DOCK11: variants seen among roughly 807,000 people sequenced by gnomAD.
The protein encoded by DOCK11 is dedicator of cytokinesis protein 11.
DOCK11 carries 70 observed loss-of-function variants against 169.1 expected under a neutral mutation model. The ratio of observed to expected loss-of-function variants is 0.41; its 90% confidence interval spans 0.34 to 0.51. DOCK11 has a LOEUF of 0.51. Ranked by LOEUF, DOCK11 falls within the 20% of genes least tolerant of loss-of-function variation. The probability of loss-of-function intolerance (pLI) is 0.10; values close to 1 mark genes in which losing one functional copy is unlikely to be tolerated. For missense variants in DOCK11, 1,166 were observed against 1,538.8 expected, an observed-to-expected ratio of 0.76 and a Z score of 4.05; for synonymous variants, 529 against 541.3, an observed-to-expected ratio of 0.98 and a Z score of 0.32.
intron 14 of DOCK11, among the ~76,000 whole-genome samples, chrX:118,580,606 T>C (rs941316666): frequency 9.8e-5 from 11 of 112,143 alleles, no homozygotes; most frequent in Non-Finnish European, 1.9e-4. Context: ...CGTGAGCTAC[T>C]GTGCCCGGCC....
At chrX:118,669,643 A>G (rs1330431229) in intron 45 of DOCK11, among the ~76,000 whole-genome samples, 3 of 112,359 alleles carry the variant, frequency 2.7e-5, no homozygotes, top group African/African-American at 9.7e-5. Context: ...CTTGGGGGTT[A>G]GGATTTTAAC....
At chrX:118,648,158 A>G (rs1203837657) in intron 40 of DOCK11, among the ~76,000 whole-genome samples, 1 of 79,760 alleles carries the variant, frequency 1.3e-5, no homozygotes, top group Non-Finnish European at 2.2e-5. Flanking sequence ...AATATATAAT[A>G]ATATAATATA....
At chrX:118,506,123 G>A (rs1373804571) in intron 1 of DOCK11, among the ~76,000 whole-genome samples, 1 of 110,759 alleles carries the variant, frequency 9.0e-6, no homozygotes, top group Non-Finnish European at 1.9e-5. Context: ...AGGCGTGGTG[G>A]CACATGCGTG....
rs569146162 is a variant in DOCK11, at chrX:118,680,709, A to T, written c.5671+17A>T. 4.5e-6 allele frequency: 5 copies of T among 1,122,996 alleles called. No homozygotes were observed. The highest frequency in any genetic ancestry group is 2.4e-5 in the Admixed American group (1 of 41,313). The allele number at this position is 1,122,996 out of a possible 1,213,427, so 92.5% of individuals were successfully genotyped here. ...TCTTGACAAGTAAGTACAATTTTAC[A>T]TATTAACTTCTTATTTGTCTTGGTC... On this transcript the variant is annotated intron_variant, in intron 49 of 52. Transcript: ENST00000276202.
chrX:118,643,209 A>G (rs1049937635), intron 39 of DOCK11, among the ~76,000 whole-genome samples: 2 of 111,729 alleles, frequency 1.8e-5, no homozygotes, highest in Non-Finnish European at 3.8e-5. Flanking sequence ...CTAGTCCTGT[A>G]TATTGCTGTG....
At chrX:118,552,468 T>C (rs1356686828) in intron 6 of DOCK11, among the ~76,000 whole-genome samples, 4 of 112,127 alleles carry the variant, frequency 3.6e-5, no homozygotes, top group African/African-American at 9.7e-5. Context: ...TAAAAATTTA[T>C]ATTTTCCCCA....
chrX:118,585,726 T>C (rs1407133216), intron 16 of DOCK11, among the ~76,000 whole-genome samples: 1 of 109,656 alleles, frequency 9.1e-6, no homozygotes, highest in African/African-American at 3.3e-5. Flanking sequence ...CCAGTCAGGT[T>C]CTATTGCCTT....
intron 32 of DOCK11, among the ~76,000 whole-genome samples, chrX:118,625,588 G>A (rs910826648): frequency 6.2e-5 from 7 of 112,015 alleles, no homozygotes; most frequent in Non-Finnish European, 1.1e-4. Flanking sequence ...TCCTTTGAAC[G>A]CTGTGTTTTC....
chrX:118,569,091 CTTTTTTT>C (rs1186200391), intron 10 of DOCK11, among the ~76,000 whole-genome samples: 1 of 44,993 alleles, frequency 2.2e-5, no homozygotes, highest in Non-Finnish European at 4.1e-5. Flanking sequence ...TCTTTCTTTC[CTTTTTTT>C]TTTTTTTTTT....
chrX:118,668,859 G>C, intron 45 of DOCK11, among the ~76,000 whole-genome samples: 1 of 111,568 alleles, frequency 9.0e-6, no homozygotes, highest in Non-Finnish European at 1.9e-5. Flanking sequence ...GGGAGGAGGG[G>C]CACAGCCTGA....
intron 23 of DOCK11, among the ~76,000 whole-genome samples, chrX:118,603,304 G>T (rs753596919): frequency 8.9e-6 from 1 of 112,749 alleles, no homozygotes; most frequent in African/African-American, 3.2e-5. Flanking sequence ...AGGCATGGAA[G>T]CTTATGATAG....
At chrX:118,591,464 A>T (rs1430501871) in intron 19 of DOCK11, among the ~76,000 whole-genome samples, 1 of 110,644 alleles carries the variant, frequency 9.0e-6, no homozygotes, top group African/African-American at 3.3e-5. Context: ...CAAGTTGTTT[A>T]ATATGTGTAT....
intron 6 of DOCK11, among the ~76,000 whole-genome samples, chrX:118,551,087 C>T (rs1291300855): frequency 8.9e-6 from 1 of 111,835 alleles, no homozygotes; most frequent in Non-Finnish European, 1.9e-5. Context: ...CACCTCAGGG[C>T]CAGAGCTTGC....
In DOCK11 at chrX:118,593,249, A is replaced by G. The variant is rs1603098345; in HGVS notation, c.2175A>G (p.Lys725=). Residue 725 remains lysine (K), a synonymous_variant, in exon 20 of 53, where the codon AAA becomes AAG. Coordinates refer to ENST00000276202, the MANE Select transcript of DOCK11 (RefSeq NM_144658.4). ...KIELPIHLHQ[K]HHLLFTFYHV... The stretch of plus-strand genomic sequence containing the variant: ...AGCTTCCCATTCACCTACATCAAAA[A>G]CATCATTTGCTTTTCACTTTTTATC... The G allele has an allele frequency of 7.5e-6, 9 of 1,204,586 alleles. No homozygotes were observed. In the East Asian group the frequency reaches 2.7e-4, roughly 36 times the overall value.
At chrX:118,543,079 A>G in intron 3 of DOCK11, 64 bp downstream of exon 3, 1 of 832,197 alleles carries the variant, frequency 1.2e-6, no homozygotes, top group South Asian at 2.5e-5. Flanking sequence ...CAGTATTTAT[A>G]TGTCTTTATG....
chrX:118,632,976 G>A (rs1292950015), intron 35 of DOCK11: 1 of 82,135 alleles, frequency 1.2e-5, no homozygotes, highest in Non-Finnish European at 2.4e-5. Flanking sequence ...CGGTGGGGGG[G>A]GGGGTGAGGG....
chrX:118,629,600 T>C (rs142254267), intron 34 of DOCK11, among the ~76,000 whole-genome samples: 6,928 of 111,194 alleles, frequency 0.062, 187 homozygotes, highest in Non-Finnish European at 0.081. Context: ...TGAAGTATTA[T>C]TGGGTACTCC....
intron 48 of DOCK11, among the ~76,000 whole-genome samples, 190 bp from the exon 49 acceptor site, chrX:118,680,292 T>G (rs901122762): frequency 9.0e-6 from 1 of 111,134 alleles, no homozygotes; most frequent in Admixed American, 9.6e-5. Flanking sequence ...TGTAACTTCT[T>G]TATAATCAGA....
At chrX:118,564,758 T>G (rs2013025312) in intron 7 of DOCK11, among the ~76,000 whole-genome samples, 1 of 106,631 alleles carries the variant, frequency 9.4e-6, no homozygotes, top group African/African-American at 3.4e-5. Context: ...TTTCCCTTCC[T>G]TCCTTCCTTC....
Sources: allele counts gnomAD v4.1 joint callset (sites outside exome capture counted in the v4.1 genomes callset), GRCh38; gene constraint gnomAD v4.1.1; transcripts MANE v1.5; gene names NCBI Gene and HGNC (gene_info 2026-07-23, HGNC 2026-07-21).